PRIM2: variants seen among roughly 807,000 people sequenced by gnomAD.
PRIM2 encodes DNA primase subunit 2.
Under a neutral mutation model 67.3 loss-of-function variants are expected in PRIM2, and 39 were observed. The ratio of observed to expected loss-of-function variants is 0.58; its 90% CI spans 0.45 to 0.76. The LOEUF (loss-of-function observed/expected upper bound fraction) is 0.76, where lower values mean the gene tolerates loss of function less well. PRIM2 is among the 30% of genes least tolerant of loss of function. The probability of loss-of-function intolerance (pLI) is 0.00; values close to 1 mark genes in which losing one functional copy is unlikely to be tolerated. For missense variants in PRIM2, 398 were observed against 598.7 expected, an observed-to-expected ratio of 0.66 and a Z score of 3.50; for synonymous variants, 143 against 198.7, an observed-to-expected ratio of 0.72 and a Z score of 2.36.
At chr6:57,562,412 A>T (rs1775651610) in intron 10 of PRIM2, among the ~76,000 whole-genome samples, 1 of 152,188 alleles carries the variant, frequency 6.6e-6, no homozygotes, top group Non-Finnish European at 1.5e-5. Context: ...TTCTTCTTAG[A>T]TAGTTTAGCA....
intron 7 of PRIM2, among the ~76,000 whole-genome samples, chr6:57,416,283 C>G (rs1242798815): frequency 2.6e-5 from 4 of 152,178 alleles, no homozygotes; most frequent in Non-Finnish European, 5.9e-5. Flanking sequence ...GCATTGCCAA[C>G]AAGCAGTAAT....
chr6:57,520,720 A>G (rs1554348822), intron 8 of PRIM2, among the ~76,000 whole-genome samples: 5 of 152,230 alleles, frequency 3.3e-5, no homozygotes, highest in Non-Finnish European at 7.3e-5. Context: ...TTTGACAAAC[A>G]TACAGATATT....
At position 57,484,498 on chromosome 6, in the gene PRIM2, A is replaced by G. The variant is rs1227014882; in HGVS notation, c.694-22889A>G. ...CACACTCAGAGTTTAAAAAAATCCC[A>G]ACTCCTAACTGTGATCCAAAAGCAT... is the stretch of plus-strand genomic sequence containing the variant. On this transcript the variant is annotated intron_variant, in intron 7 of 13. Coordinates refer to ENST00000615550, the MANE Select transcript of PRIM2 (RefSeq NM_000947.5). 2.0e-5 allele frequency among the ~76,000 whole-genome samples: 3 copies of G among 152,312 alleles called. No individual in the cohort carries two copies. In the East Asian group the frequency reaches 5.8e-4, roughly 29 times the overall value.
chr6:57,594,018 A>T (rs1468564579), intron 10 of PRIM2, among the ~76,000 whole-genome samples: 1 of 152,212 alleles, frequency 6.6e-6, no homozygotes, highest in Non-Finnish European at 1.5e-5. Context: ...GTATCTAATT[A>T]AATTCAATTC....
chr6:57,232,936 T>C, the PRIM2 span, among the ~76,000 whole-genome samples: 2 of 152,318 alleles, frequency 1.3e-5, no homozygotes, highest in East Asian at 1.9e-4. Flanking sequence ...ATATTAGAGG[T>C]ATTTCTTCCT....
chr6:57,595,370 C>T (rs1201873708), intron 10 of PRIM2, among the ~76,000 whole-genome samples: 22 of 152,012 alleles, frequency 1.4e-4, no homozygotes, highest in Non-Finnish European at 2.6e-4. Context: ...GAGAGTATAG[C>T]GACCAGATGT....
At chr6:57,404,624 A>C (rs565297387) in intron 7 of PRIM2, among the ~76,000 whole-genome samples, 24 of 152,392 alleles carry the variant, frequency 1.6e-4, no homozygotes, top group African/African-American at 5.8e-4. Flanking sequence ...AAAACTCCTG[A>C]AGAACTGTTG....
chr6:57,404,916 A>C (rs1770831260), intron 7 of PRIM2, among the ~76,000 whole-genome samples: 2 of 147,166 alleles, frequency 1.4e-5, no homozygotes, highest in African/African-American at 2.5e-5. Flanking sequence ...CTAATTTTCC[A>C]GATCATTTAT....
chr6:57,459,878 T>A (rs1739908106), intron 7 of PRIM2, among the ~76,000 whole-genome samples: 1 of 152,178 alleles, frequency 6.6e-6, no homozygotes, highest in Admixed American at 6.5e-5. Flanking sequence ...TTTGACCAAC[T>A]AACTAGGCAT....
At chr6:57,481,736 G>T (rs1313302012) in intron 7 of PRIM2, among the ~76,000 whole-genome samples, 71 of 152,092 alleles carry the variant, frequency 4.7e-4, no homozygotes, top group African/African-American at 1.7e-3. Flanking sequence ...GAGTGACTCT[G>T]GTTTTGTATT....
chr6:57,336,866 C>G (rs1293461559), intron 5 of PRIM2, among the ~76,000 whole-genome samples: 1 of 152,152 alleles, frequency 6.6e-6, no homozygotes, highest in Non-Finnish European at 1.5e-5. Context: ...ACAATATTAA[C>G]TTTAAATGTA....
chr6:57,264,251 A>C, the PRIM2 span, among the ~76,000 whole-genome samples: 1 of 152,022 alleles, frequency 6.6e-6, no homozygotes, highest in Non-Finnish European at 1.5e-5. Context: ...TGTTTTCTGC[A>C]GTGTTGGGTG....
chr6:57,553,970 T>C (rs1775456842), intron 10 of PRIM2, among the ~76,000 whole-genome samples: 1 of 152,188 alleles, frequency 6.6e-6, no homozygotes, highest in Non-Finnish European at 1.5e-5. Context: ...AAATCTGTCT[T>C]TATTAATAGG....
intron 12 of PRIM2, among the ~76,000 whole-genome samples, chr6:57,621,902 C>T (rs1207054753): frequency 5.9e-5 from 9 of 152,006 alleles, no homozygotes; most frequent in Non-Finnish European, 1.0e-4. Flanking sequence ...ATTTGTTTAT[C>T]TGGGAATGTC....
In PRIM2 at chr6:57,488,093, G is replaced by A. The variant is rs1328496665; in HGVS notation, c.694-19294G>A. ...TAAGGGCTAGCATTTGAACTCAGGC[G>A]TGTCTGACCTTCAACTCAGGCTTAC... On this transcript the variant is annotated intron_variant, in intron 7 of 13. Coordinates refer to ENST00000615550, the MANE Select transcript of PRIM2 (RefSeq NM_000947.5). Among the ~76,000 whole-genome samples the A allele has an allele frequency of 1.2e-3, 188 of 152,242 alleles. 1 individual carries two copies. Among genetic ancestry groups the A allele is most frequent in the African/African-American group, 4.3e-3 (177 of 41,536 alleles).
the PRIM2 span, among the ~76,000 whole-genome samples, chr6:57,227,624 A>G: frequency 1.4e-5 from 2 of 140,450 alleles, no homozygotes; most frequent in African/African-American, 5.3e-5. Context: ...AGCCTCAGCC[A>G]CAGGGTGAGA....
In PRIM2 at chr6:57,496,835, G is replaced by GA. The variant is rs1371352710; in HGVS notation, c.694-10545dup. Among the ~76,000 whole-genome samples, 22 of 151,992 alleles carry GA rather than the reference G, an allele frequency of 1.4e-4. 1 individual carries two copies. The highest frequency in any genetic ancestry group is 4.8e-4 in the African/African-American group (20 of 41,418). On this transcript the variant is annotated intron_variant, in intron 7 of 13. Coordinates refer to ENST00000615550, the MANE Select transcript of PRIM2 (RefSeq NM_000947.5). Reference sequence around the variant, plus strand: ...TCTTTGCATAAAATGATTTTTGGCTGAAAAAAATGTCATCTCTGTCTCTCT... The same window carrying GA: ...TCTTTGCATAAAATGATTTTTGGCTGAAAAAAAATGTCATCTCTGTCTCTCT...
intron 5 of PRIM2, among the ~76,000 whole-genome samples, chr6:57,356,685 C>G (rs1769040997): frequency 6.6e-6 from 1 of 152,100 alleles, no homozygotes; most frequent in African/African-American, 2.4e-5. Context: ...ATCATGAGCA[C>G]TTTTTACATT....
chr6:57,551,297 G>A (rs1175430976), intron 10 of PRIM2, among the ~76,000 whole-genome samples: 3 of 152,136 alleles, frequency 2.0e-5, no homozygotes, highest in Non-Finnish European at 4.4e-5. Context: ...ATCAGGAAAG[G>A]GCTAGAGGGA....
Sources: gnomAD v4.1 joint callset for allele counts (sites outside exome capture counted in the v4.1 genomes callset) on GRCh38, gnomAD v4.1.1 for gene constraint, MANE v1.5 for transcripts, NCBI Gene and HGNC (gene_info 2026-07-23, HGNC 2026-07-21) for gene names.